The following ATXN1 variants were observed in gnomAD, a reference collection of about 807,000 sequenced individuals.
ATXN1 encodes ataxin-1.
A neutral mutation model predicts 56.4 loss-of-function variants in ATXN1; 8 were observed. The ratio of observed to expected loss-of-function variants is 0.14; its 90% CI spans 0.08 to 0.26. The LOEUF (loss-of-function observed/expected upper bound fraction) is 0.26. Among genes scored for constraint, ATXN1 ranks in the 10% least tolerant of loss-of-function variants. The pLI is 1.00. For synonymous variants in ATXN1, 514 were observed against 494.6 expected, an observed-to-expected ratio of 1.04 and a Z score of -0.52; for missense variants, 987 against 1,106.5, an observed-to-expected ratio of 0.89 and a Z score of 1.53.
intron 3 of ATXN1, among the ~76,000 whole-genome samples, chr6:16,588,630 T>C (rs1353732235): frequency 6.6e-6 from 1 of 152,200 alleles, no homozygotes; most frequent in Admixed American, 6.5e-5. Flanking sequence ...GGTTGATTCA[T>C]TGATTAATGC....
intron 2 of ATXN1, among the ~76,000 whole-genome samples, chr6:16,740,707 AT>A (rs970845868): frequency 6.6e-6 from 1 of 151,786 alleles, no homozygotes; most frequent in Non-Finnish European, 1.5e-5. Flanking sequence ...TTATTTATTT[AT>A]TTTTTTTAGA....
intron 3 of ATXN1, among the ~76,000 whole-genome samples, chr6:16,640,242 CTATTA>C (rs1356066131): frequency 2.6e-5 from 4 of 152,156 alleles, no homozygotes; most frequent in African/African-American, 7.2e-5. Context: ...TTTGACGTTA[CTATTA>C]TAATTGTTTT....
chr6:16,337,431 G>T lies in ATXN1; in HGVS notation c.-160-8961C>A, dbSNP rs144562054. 1.3e-5 allele frequency among the ~76,000 whole-genome samples: 2 copies of T among 152,202 alleles called. 1 individual carries two copies. Among genetic ancestry groups the T allele is most frequent in the Middle Eastern group, 6.3e-3 (2 of 316 alleles). On this transcript the variant is annotated intron_variant, in intron 6 of 7. Transcript: ENST00000436367. The stretch of plus-strand genomic sequence containing the variant: ...CTTGGCTGGGCCATCCCTAGAAGCC[G>T]GCTCACATGGAAAACGCGCTGCAGT...
rs565452241 is a variant in ATXN1 at position 16,420,294 on chromosome 6, A to G, written c.-161+65678T>C. Among the ~76,000 whole-genome samples the G allele has an allele frequency of 3.9e-5, 6 of 152,360 alleles. No homozygotes were observed. In the South Asian group the frequency reaches 1.2e-3, roughly 32 times the overall value. The stretch of plus-strand genomic sequence containing the variant: ...TCACTGTCTCTGGGGACCTTCAGAC[A>G]AATTAGCTATCTTGTGAACAGTCCC... On this transcript the variant is annotated intron_variant, in intron 6 of 7. Transcript: ENST00000436367.
intron 2 of ATXN1, among the ~76,000 whole-genome samples, chr6:16,708,059 A>G (rs1172372227): frequency 1.3e-5 from 2 of 152,168 alleles, no homozygotes; most frequent in Non-Finnish European, 2.9e-5. Flanking sequence ...GGTGGGGGGG[A>G]AGAATGATGC....
intron 6 of ATXN1, among the ~76,000 whole-genome samples, chr6:16,402,050 T>A (rs1314441577): frequency 1.3e-5 from 2 of 151,918 alleles, no homozygotes; most frequent in East Asian, 3.9e-4. Flanking sequence ...AACCATCAGA[T>A]CTCGTGAGAC....
intron 6 of ATXN1, among the ~76,000 whole-genome samples, chr6:16,357,270 TA>T (rs67306835): frequency 0.065 from 9,722 of 150,562 alleles, 1,067 homozygotes; most frequent in African/African-American, 0.22. Flanking sequence ...TATTTTATTT[TA>T]TTTTTTTTTG....
rs534320468 is a variant in ATXN1, at chr6:16,424,639, G to A, written c.-161+61333C>T. Among the ~76,000 whole-genome samples, 15 of 152,338 alleles carry A rather than the reference G, an allele frequency of 9.8e-5. No homozygotes were observed. The South Asian group carries it at 1.9e-3, about 19-fold the overall frequency. On this transcript the variant is annotated intron_variant, in intron 6 of 7. Coordinates refer to ENST00000436367, the MANE Select transcript of ATXN1 (RefSeq NM_001128164.2). ...CTGTCTGCCCTGCTACTCAGAAGAC[G>A]GTGGAAGGAATGCTGAAGTAAGCTT...
At chr6:16,369,091 C>T (rs1215706723) in intron 6 of ATXN1, among the ~76,000 whole-genome samples, 2 of 152,144 alleles carry the variant, frequency 1.3e-5, no homozygotes. Context: ...GGTGTTCGTC[C>T]GTGCCCCCTC....
At chr6:16,413,765 G>A (rs766144059) in intron 6 of ATXN1, among the ~76,000 whole-genome samples, 18 of 152,132 alleles carry the variant, frequency 1.2e-4, no homozygotes, top group Non-Finnish European at 2.2e-4. Context: ...CTTTTTTACT[G>A]ACGCAATGGC....
chr6:16,541,475 G>C (rs551605359), intron 4 of ATXN1, among the ~76,000 whole-genome samples: 8 of 152,258 alleles, frequency 5.3e-5, no homozygotes, highest in African/African-American at 1.9e-4. Context: ...CTGATCACTG[G>C]AAACAGGGCA....
At chr6:16,490,721 G>C (rs1360786230) in intron 5 of ATXN1, among the ~76,000 whole-genome samples, 1 of 152,146 alleles carries the variant, frequency 6.6e-6, no homozygotes, top group Non-Finnish European at 1.5e-5. Context: ...CCCCTTGGCT[G>C]TTATCTGGGC....
intron 6 of ATXN1, among the ~76,000 whole-genome samples, chr6:16,359,441 C>A (rs1268517632): frequency 1.6e-4 from 25 of 152,072 alleles, no homozygotes; most frequent in Admixed American, 1.6e-3. Flanking sequence ...ACTGGATGAC[C>A]AGTTGCAGAG....
chr6:16,413,060 A>C (rs934409306), intron 6 of ATXN1, among the ~76,000 whole-genome samples: 2 of 152,194 alleles, frequency 1.3e-5, no homozygotes, highest in African/African-American at 4.8e-5. Context: ...AACCATTCCC[A>C]AACTATGTTA....
chr6:16,341,883 T>TC (rs1761258766), intron 6 of ATXN1, among the ~76,000 whole-genome samples: 1 of 140,462 alleles, frequency 7.1e-6, no homozygotes. Context: ...AGTGATTTTT[T>TC]TTTTTTTTTT....
intron 2 of ATXN1, among the ~76,000 whole-genome samples, chr6:16,705,446 C>T (rs1759386762): frequency 6.6e-6 from 1 of 152,260 alleles, no homozygotes; most frequent in East Asian, 1.9e-4. Context: ...CCTATTTATA[C>T]AAGTGCAGGC....
chr6:16,372,358 A>G (rs1237920746), intron 6 of ATXN1, among the ~76,000 whole-genome samples: 1 of 152,198 alleles, frequency 6.6e-6, no homozygotes. Flanking sequence ...AAAGAAGTTG[A>G]GAGGGAACAG....
intron 2 of ATXN1, chr6:16,739,851 T>A (rs1351639951): frequency 2.2e-6 from 1 of 456,908 alleles, no homozygotes; most frequent in Non-Finnish European, 4.4e-6. Flanking sequence ...AGACACCAAG[T>A]CCCGGGGACT....
chr6:16,448,752 C>A (rs566662552), intron 6 of ATXN1, among the ~76,000 whole-genome samples: 19 of 152,226 alleles, frequency 1.2e-4, no homozygotes, highest in African/African-American at 1.7e-4. Context: ...CTGAGCTAGG[C>A]TAAGGCCCAA....
Sources: allele counts gnomAD v4.1 joint callset (sites outside exome capture counted in the v4.1 genomes callset), GRCh38; gene constraint gnomAD v4.1.1; transcripts MANE v1.5; gene names NCBI Gene and HGNC (gene_info 2026-07-23, HGNC 2026-07-21).